Variants in PARD3B observed in about 807,000 individuals in gnomAD.
PARD3B encodes par-3 family cell polarity regulator beta.
Under a neutral mutation model 130.2 loss-of-function variants are expected in PARD3B, and 103 were observed. The ratio of observed to expected loss-of-function variants is 0.79; its 90% CI spans 0.67 to 0.93. The LOEUF (loss-of-function observed/expected upper bound fraction) is 0.93. PARD3B is among the 40% of genes least tolerant of loss of function. The probability of loss-of-function intolerance (pLI) is 0.00; values close to 1 mark genes in which losing one functional copy is unlikely to be tolerated. For missense variants in PARD3B, 1,609 were observed against 1,499.2 expected, an observed-to-expected ratio of 1.07 and a Z score of -1.21; for synonymous variants, 583 against 553.2, an observed-to-expected ratio of 1.05 and a Z score of -0.76.
chr2:205,215,689 G>T (rs1462324424), intron 15 of PARD3B, among the ~76,000 whole-genome samples: 3 of 152,114 alleles, frequency 2.0e-5, no homozygotes, highest in Admixed American at 1.3e-4. Context: ...CCATTTAAAT[G>T]AATGCTGCTT....
At chr2:205,117,198 A>G (rs1031763458) in intron 6 of PARD3B, among the ~76,000 whole-genome samples, 1 of 152,228 alleles carries the variant, frequency 6.6e-6, no homozygotes, top group African/African-American at 2.4e-5. Context: ...AGTTTTATCT[A>G]TTATTTTAAT....
At chr2:204,859,636 G>A (rs1467111906) in intron 2 of PARD3B, among the ~76,000 whole-genome samples, 1 of 152,162 alleles carries the variant, frequency 6.6e-6, no homozygotes, top group Non-Finnish European at 1.5e-5. Flanking sequence ...TGCTAGTATA[G>A]CAAAGTCTTC....
chr2:204,921,828 C>T (rs2047691835), intron 2 of PARD3B, among the ~76,000 whole-genome samples: 1 of 151,894 alleles, frequency 6.6e-6, no homozygotes, highest in African/African-American at 2.4e-5. Context: ...TGCAATAAGT[C>T]AGATAAGAGG....
intron 20 of PARD3B, among the ~76,000 whole-genome samples, chr2:205,447,468 C>T (rs1221173071): frequency 1.3e-5 from 2 of 152,260 alleles, no homozygotes; most frequent in Non-Finnish European, 2.9e-5. Context: ...ACCTCCACCT[C>T]CTGGATTCAA....
At chr2:205,290,336 T>A (rs1167163212) in intron 16 of PARD3B, among the ~76,000 whole-genome samples, 1 of 152,220 alleles carries the variant, frequency 6.6e-6, no homozygotes, top group African/African-American at 2.4e-5. Flanking sequence ...AGGTGTTTAA[T>A]CTTTTATTTC....
In PARD3B at chr2:205,265,842, T is replaced by C. The variant is rs1276007649; in HGVS notation, c.2185+20020T>C. 2.0e-5 allele frequency among the ~76,000 whole-genome samples: 3 copies of C among 152,056 alleles called. No homozygotes were observed. Among genetic ancestry groups the C allele is most frequent in the Admixed American group, 2.0e-4 (3 of 15,248 alleles). On this transcript the variant is annotated intron_variant, in intron 16 of 22. Coordinates refer to ENST00000406610, the MANE Select transcript of PARD3B (RefSeq NM_001302769.2). The surrounding 1 kb of genome is among the most constrained non-coding windows in gnomAD (Gnocchi z 4.3). ...ATACATATTTTTAAATTAAATGGGC[T>C]ATCAAGTAGAGTTTAGAAATCTTCT...
intron 1 of PARD3B, among the ~76,000 whole-genome samples, chr2:204,567,216 T>C (rs2031729064): frequency 6.6e-6 from 1 of 152,156 alleles, no homozygotes; most frequent in South Asian, 2.1e-4. Context: ...TTTTTTTTCG[T>C]TAAAACGTAC....
chr2:205,460,393 G>GTGATGATGA lies in PARD3B; in HGVS notation c.3044+19756_3044+19764dup, dbSNP rs3077792. Among the ~76,000 whole-genome samples, 199 of 147,996 alleles carry GTGATGATGA rather than the reference G, an allele frequency of 1.3e-3. No individual in the cohort carries two copies. The highest frequency in any genetic ancestry group is 2.8e-3 in the East Asian group (14 of 4,930). ...ATTATCAAGACTAAGGATGTTGATA[G>GTGATGATGA]TGATGATGATGATGATGATGATGAT... On this transcript the variant is annotated intron_variant, in intron 20 of 22. Transcript: ENST00000406610. This position sits in a 1 kb window ranked among gnomAD's most constrained non-coding sequence, Gnocchi z 4.9.
intron 3 of PARD3B, among the ~76,000 whole-genome samples, chr2:205,042,558 A>G (rs1255141739): frequency 6.6e-6 from 1 of 151,950 alleles, no homozygotes; most frequent in African/African-American, 2.4e-5. Flanking sequence ...GGACTCTTCT[A>G]TTCCTGCATC....
intron 4 of PARD3B, among the ~76,000 whole-genome samples, chr2:205,087,685 C>A (rs1016013530): frequency 6.6e-6 from 1 of 152,062 alleles, no homozygotes; most frequent in Non-Finnish European, 1.5e-5. Flanking sequence ...AGTAAAAAGT[C>A]TATGAAGAGT....
chr2:204,991,216 TC>T (rs1693650189), intron 3 of PARD3B, among the ~76,000 whole-genome samples: 1 of 133,202 alleles, frequency 7.5e-6, no homozygotes, highest in African/African-American at 2.8e-5. Flanking sequence ...CCCAATGCTA[TC>T]CCTCCCCCCT....
At chr2:205,567,254 C>T (rs1393039746) in intron 22 of PARD3B, among the ~76,000 whole-genome samples, 1 of 135,200 alleles carries the variant, frequency 7.4e-6, no homozygotes, top group African/African-American at 2.8e-5. Context: ...ATGAATGGGA[C>T]AAAATGTAAA....
chr2:205,523,815 CTTTT>C (rs11307073), intron 21 of PARD3B, among the ~76,000 whole-genome samples: 2 of 121,476 alleles, frequency 1.6e-5, no homozygotes, highest in African/African-American at 3.1e-5. Flanking sequence ...CTCTGATAAC[CTTTT>C]TTTTTTTTTT....
chr2:204,896,091 T>C (rs1408933472), intron 2 of PARD3B, among the ~76,000 whole-genome samples: 8 of 152,154 alleles, frequency 5.3e-5, no homozygotes, highest in Non-Finnish European at 8.8e-5. Flanking sequence ...TAAACCAAAG[T>C]TTTCTGCTGT....
chr2:205,127,777 A>G (rs546682674), intron 10 of PARD3B, among the ~76,000 whole-genome samples: 1 of 152,334 alleles, frequency 6.6e-6, no homozygotes, highest in African/African-American at 2.4e-5. Context: ...CCCCATTTCC[A>G]TTCCTCTACT....
intron 21 of PARD3B, among the ~76,000 whole-genome samples, chr2:205,529,040 T>C (rs557747921): frequency 7.2e-4 from 110 of 152,182 alleles, no homozygotes; most frequent in Middle Eastern, 3.4e-3. Context: ...AAAAAAAAAA[T>C]TAACTTCCAA....
At chr2:205,337,027 C>T (rs1349246104) in intron 18 of PARD3B, among the ~76,000 whole-genome samples, 2 of 149,040 alleles carry the variant, frequency 1.3e-5, no homozygotes, top group Non-Finnish European at 3.0e-5. Context: ...TGTAACCTAA[C>T]AAGTGTTATT....
In PARD3B at chr2:205,125,776, C is replaced by T. The variant is rs747069263; in HGVS notation, c.1434+39C>T. 24 of 1,609,424 alleles carry T rather than the reference C, an allele frequency of 1.5e-5. No homozygotes were observed. Among genetic ancestry groups the T allele is most frequent in the South Asian group, 3.3e-5 (3 of 90,520 alleles). ...CTCAGTCTCACTGAATTTTTAATGC[C>T]GAGCTTAATACACTCAATGAACTCA... On this transcript the variant is annotated intron_variant, in intron 10 of 22. Transcript: ENST00000406610. The surrounding 1 kb of genome is among the most constrained non-coding windows in gnomAD (Gnocchi z 4.0).
intron 1 of PARD3B, among the ~76,000 whole-genome samples, chr2:204,662,023 A>G (rs79242378): frequency 0.056 from 8,498 of 152,210 alleles, 395 homozygotes; most frequent in East Asian, 0.14. Flanking sequence ...TTTCTTAAGG[A>G]TTTCTTACAA....
Sources: gnomAD v4.1 joint callset for allele counts (sites outside exome capture counted in the v4.1 genomes callset) on GRCh38, gnomAD v4.1.1 for gene constraint, Gnocchi (gnomAD v3.1) non-coding constraint, MANE v1.5 for transcripts, NCBI Gene and HGNC (gene_info 2026-07-23, HGNC 2026-07-21) for gene names.